COL4A2: variants seen among roughly 807,000 people sequenced by gnomAD.
COL4A2 encodes the protein collagen type IV alpha 2 chain, also known as collagen alpha-2(IV) chain.
A neutral mutation model predicts 200.2 loss-of-function variants in COL4A2; 99 were observed. The ratio of observed to expected loss-of-function variants is 0.49; its 90% CI spans 0.42 to 0.58. The LOEUF (loss-of-function observed/expected upper bound fraction) is 0.58. Among genes scored for constraint, COL4A2 ranks in the 20% least tolerant of loss-of-function variants. The probability of loss-of-function intolerance (pLI) is 0.00; values close to 1 mark genes in which losing one functional copy is unlikely to be tolerated. For missense variants in COL4A2, 1,950 were observed against 2,314.1 expected (o/e 0.84, Z 3.23); for synonymous variants, 897 against 900.6 (o/e 1.00, Z 0.07).
chr13:110,327,353 T>G (rs187240629), intron 3 of COL4A2, among the ~76,000 whole-genome samples: 428 of 152,218 alleles, frequency 2.8e-3, no homozygotes, highest in African/African-American at 9.6e-3. Flanking sequence ...AATCACCCAC[T>G]CCGGGTATTT....
Position 110,428,501 on chromosome 13 carries a change from C to G in COL4A2, c.395C>G (p.Pro132Arg), listed in dbSNP as rs199561972. The change falls in exon 7 of 48, where the codon CCG (proline) becomes CGG (arginine). Residue 132 changes from proline (P) to arginine (R), a missense_variant. Pro to Arg is a moderately radical substitution (Grantham distance 103, BLOSUM62 -2). Coordinates refer to ENST00000360467, the MANE Select transcript of COL4A2 (RefSeq NM_001846.4). ...GGGCAAGGTGGGCCCAGGGGAAGGC[C>G]GGGCTACGATGGCTGCAACGGAACC... ...HPGQGGPRGR[P>R]GYDGCNGTQG... The G allele has an allele frequency of 1.3e-6, 2 of 1,585,174 alleles. No individual in the cohort carries two copies. The highest frequency in any genetic ancestry group is 1.7e-6 in the Non-Finnish European group (2 of 1,169,846).
At chr13:110,345,084 A>T (rs377571197) in intron 3 of COL4A2, among the ~76,000 whole-genome samples, 16 of 152,286 alleles carry the variant, frequency 1.1e-4, no homozygotes, top group African/African-American at 2.9e-4. Context: ...CTTAAAAAGA[A>T]TGAGTGGGGA....
chr13:110,314,742 C>G (rs1339885560), intron 3 of COL4A2, among the ~76,000 whole-genome samples: 1 of 152,224 alleles, frequency 6.6e-6, no homozygotes, highest in Non-Finnish European at 1.5e-5. Flanking sequence ...TACGCGCTCA[C>G]CCCTAGGAAC....
At position 110,478,097 on chromosome 13, in the gene COL4A2, G is replaced by A. The variant is rs958605629; in HGVS notation, c.2520G>A (p.Leu840=). 7 of 1,609,468 alleles carry A rather than the reference G, an allele frequency of 4.3e-6. No homozygotes were observed. Among genetic ancestry groups the A allele is most frequent in the Non-Finnish European group, 5.1e-6 (6 of 1,177,544 alleles). Reference sequence around the variant, plus strand: ...CAGGCCTGTATGGGCCTCCAGGACTGCATGGATTCCCAGGAGCTCCTGGCC... The same window carrying A: ...CAGGCCTGTATGGGCCTCCAGGACTACATGGATTCCCAGGAGCTCCTGGCC... ...GQPGLYGPPG[L]HGFPGAPGQE... The change falls in exon 30 of 48, where the codon CTG becomes CTA. Residue 840 remains leucine (L), a synonymous_variant. Transcript: ENST00000360467.
At chr13:110,487,882 T>C (rs1254763035) in intron 34 of COL4A2, among the ~76,000 whole-genome samples, 1 of 152,238 alleles carries the variant, frequency 6.6e-6, no homozygotes, top group Non-Finnish European at 1.5e-5. Context: ...TGCATTGAGC[T>C]GTGCGTTTAA....
chr13:110,440,534 T>C (rs1417118918), intron 16 of COL4A2, among the ~76,000 whole-genome samples: 6 of 152,138 alleles, frequency 3.9e-5, no homozygotes, highest in Non-Finnish European at 7.3e-5. Context: ...AGGCAGAGGC[T>C]ACAGTGAGCC....
intron 47 of COL4A2, among the ~76,000 whole-genome samples, chr13:110,510,549 G>C (rs1441519052): frequency 6.6e-6 from 1 of 152,228 alleles, no homozygotes; most frequent in East Asian, 1.9e-4. Flanking sequence ...CATTGGAAAG[G>C]GTGCGTGTGC....
chr13:110,341,212 G>A (rs1011663221), intron 3 of COL4A2, among the ~76,000 whole-genome samples: 2 of 152,212 alleles, frequency 1.3e-5, no homozygotes, highest in African/African-American at 2.4e-5. Flanking sequence ...TGGCGTCATC[G>A]GGACGACGGG....
At chr13:110,448,804 C>T (rs1881423859) in intron 18 of COL4A2, among the ~76,000 whole-genome samples, 1 of 152,166 alleles carries the variant, frequency 6.6e-6, no homozygotes. Flanking sequence ...GTGTGTTTAC[C>T]CCTCTGGGTG....
chr13:110,503,792 C>G lies in COL4A2; in HGVS notation c.4139-55C>G, dbSNP rs1382844045. On this transcript the variant is annotated intron_variant, in intron 43 of 47. Coordinates refer to ENST00000360467, the MANE Select transcript of COL4A2 (RefSeq NM_001846.4). ...GTGAGAAACGCAGTAGCACTCGGAG[C>G]AAGAGAGTGGAACGACCTTGTGTGT... 3 of 1,605,052 alleles carry G rather than the reference C, an allele frequency of 1.9e-6. No homozygotes were observed. In the Admixed American group the frequency reaches 5.1e-5, roughly 27 times the overall value.
At chr13:110,386,079 G>A (rs1878736383) in intron 4 of COL4A2, among the ~76,000 whole-genome samples, 1 of 152,150 alleles carries the variant, frequency 6.6e-6, no homozygotes, top group African/African-American at 2.4e-5. Context: ...CATGGTTACA[G>A]TGTTTAGATA....
At chr13:110,391,047 C>T (rs371977667) in intron 4 of COL4A2, among the ~76,000 whole-genome samples, 2 of 152,180 alleles carry the variant, frequency 1.3e-5, no homozygotes, top group African/African-American at 4.8e-5. Context: ...GAGGTTAAGA[C>T]TTCTTTTTAC....
chr13:110,412,040 G>T (rs1353032619), intron 4 of COL4A2, among the ~76,000 whole-genome samples: 1 of 152,160 alleles, frequency 6.6e-6, no homozygotes, highest in Non-Finnish European at 1.5e-5. Flanking sequence ...CCCAACCAGG[G>T]GTCAAAGCTA....
chr13:110,484,107 AT>A (rs998923299), intron 32 of COL4A2, among the ~76,000 whole-genome samples: 6 of 144,778 alleles, frequency 4.1e-5, no homozygotes, highest in African/African-American at 1.5e-4. Flanking sequence ...AAAAAAAAAA[AT>A]GACATTTTAA....
At chr13:110,501,397 C>A (rs1594111996) in intron 40 of COL4A2, among the ~76,000 whole-genome samples, 1 of 152,042 alleles carries the variant, frequency 6.6e-6, no homozygotes, top group Admixed American at 6.5e-5. Flanking sequence ...TTGGGGAAGT[C>A]GAGCACAGGC....
At chr13:110,496,138 GCCTGGGCAC>G (rs1183153058) in intron 40 of COL4A2, among the ~76,000 whole-genome samples, 1 of 152,188 alleles carries the variant, frequency 6.6e-6, no homozygotes, top group African/African-American at 2.4e-5. Flanking sequence ...TGGATGGACA[GCCTGGGCAC>G]CCTGGGCTCC....
At chr13:110,411,215 C>CAA (rs1051321337) in intron 4 of COL4A2, among the ~76,000 whole-genome samples, 1 of 152,202 alleles carries the variant, frequency 6.6e-6, no homozygotes. Flanking sequence ...CCCTGGAACA[C>CAA]AAAGCTCGTC....
chr13:110,402,695 A>G (rs1238689918), intron 4 of COL4A2, among the ~76,000 whole-genome samples: 1 of 152,230 alleles, frequency 6.6e-6, no homozygotes, highest in Non-Finnish European at 1.5e-5. Context: ...TCTTCTTCTT[A>G]TGAGCCCTCA....
chr13:110,391,268 C>G (rs1396592143), intron 4 of COL4A2, among the ~76,000 whole-genome samples: 1 of 152,180 alleles, frequency 6.6e-6, no homozygotes, highest in Non-Finnish European at 1.5e-5. Flanking sequence ...TCTACAGGGC[C>G]TCTACAGAGC....
Sources: gnomAD v4.1 joint callset for allele counts (sites outside exome capture counted in the v4.1 genomes callset) on GRCh38, gnomAD v4.1.1 for gene constraint, MANE v1.5 for transcripts, NCBI Gene and HGNC (gene_info 2026-07-23, HGNC 2026-07-21) for gene names.